SNX25: variants seen among roughly 807,000 people sequenced by gnomAD.
SNX25 encodes the protein sorting nexin 25.
In SNX25, 62 loss-of-function variants were observed where a neutral mutation model predicts 113.7. That is an observed-to-expected ratio of 0.55 (90% confidence interval 0.44 to 0.67). SNX25 has a LOEUF of 0.67. Among genes scored for constraint, SNX25 ranks in the 30% least tolerant of loss-of-function variants. SNX25 has a pLI of 0.00. For missense variants in SNX25, 1,014 were observed against 1,161.0 expected, an observed-to-expected ratio of 0.87 and a Z score of 1.84; for synonymous variants, 421 against 436.2, an observed-to-expected ratio of 0.97 and a Z score of 0.43.
In SNX25 at chr4:185,361,922, A is replaced by G; in HGVS notation, c.2652-2A>G. 6.2e-7 allele frequency: 1 copy of G among 1,612,618 alleles called. No individual in the cohort carries two copies. The highest frequency in any genetic ancestry group is 8.5e-7 in the Non-Finnish European group (1 of 1,179,322). Reference sequence around the variant, plus strand: ...ATCCAAGAAATCTTTTTCTCTTAAAAGACAAATCCGGGACACAGTCAGCTG... The same window carrying G: ...ATCCAAGAAATCTTTTTCTCTTAAAGGACAAATCCGGGACACAGTCAGCTG... On this transcript the variant is annotated splice_acceptor_variant, in intron 16 of 18. Coordinates refer to ENST00000652585, the MANE Select transcript of SNX25 (RefSeq NM_001378034.2). LOFTEE classifies it high-confidence loss of function.
chr4:185,254,042 C>A (rs1746042464), intron 2 of SNX25, among the ~76,000 whole-genome samples: 2 of 152,132 alleles, frequency 1.3e-5, no homozygotes, highest in Non-Finnish European at 2.9e-5. Flanking sequence ...TTCCAAGGCC[C>A]ACCGTATGGC....
chr4:185,214,084 C>G (rs1276738239), intron 1 of SNX25, among the ~76,000 whole-genome samples: 1 of 151,990 alleles, frequency 6.6e-6, no homozygotes, highest in Non-Finnish European at 1.5e-5. Flanking sequence ...TTCCCCACTT[C>G]CCCTTTAGAA....
Position 185,259,063 on chromosome 4 carries a change from A to G in SNX25, c.730A>G (p.Arg244Gly), listed in dbSNP as rs1459434050. 1.2e-6 allele frequency: 2 copies of G among 1,613,934 alleles called. No homozygotes were observed. Among genetic ancestry groups the G allele is most frequent in the East Asian group, 2.2e-5 (1 of 44,874 alleles). ...HFCDLKAANARHEEQPRPFVL... is the reference protein window; with the variant it reads ...HFCDLKAANAGHEEQPRPFVL... ...CTGTGACCTGAAAGCTGCCAATGCC[A>G]GGTAACTGTTCTAAGCAACTTACCC... The change falls in exon 3 of 19, where the codon AGA becomes GGA. Residue 244 changes from arginine (R) to glycine (G), a missense_variant and splice_region_variant. Transcript: ENST00000652585.
chr4:185,340,384 A>AC (rs1247746571), intron 11 of SNX25, among the ~76,000 whole-genome samples: 5 of 152,202 alleles, frequency 3.3e-5, no homozygotes, highest in African/African-American at 1.2e-4. Flanking sequence ...GACACACAGT[A>AC]CATGAGGGCC....
chr4:185,375,487 A>AAAAAAAAAAAAAAT, the SNX25 span: 1 of 12,010 alleles, frequency 8.3e-5, no homozygotes, highest in Non-Finnish European at 1.5e-4. Flanking sequence ...AAAAAAAAAA[A>AAAAAAAAAAAAAAT]ATATATATAT....
In SNX25 at chr4:185,331,182, A is replaced by G. The variant is rs191212508; in HGVS notation, c.1750-1413A>G. ...ACTTTTGGAAATTTATCCTAGGAAA[A>G]TAATTAAAATGTAGAAAAACGTTTA... On this transcript the variant is annotated intron_variant, in intron 9 of 18. Coordinates refer to ENST00000652585, the MANE Select transcript of SNX25 (RefSeq NM_001378034.2). Among the ~76,000 whole-genome samples the G allele has an allele frequency of 1.5e-3, 235 of 152,302 alleles. 2 individuals carry two copies. The highest frequency in any genetic ancestry group is 5.5e-3 in the African/African-American group (230 of 41,548).
At chr4:185,354,977 G>A (rs1288440144) in intron 15 of SNX25, among the ~76,000 whole-genome samples, 2 of 152,204 alleles carry the variant, frequency 1.3e-5, no homozygotes, top group Non-Finnish European at 2.9e-5. Context: ...GTTCACATCA[G>A]CACCTTTTCC....
chr4:185,297,813 C>T (rs145813450), intron 6 of SNX25, among the ~76,000 whole-genome samples: 1 of 150,966 alleles, frequency 6.6e-6, no homozygotes, highest in African/African-American at 2.5e-5. Flanking sequence ...CTACCTTCAT[C>T]ATCTCATCTA....
At chr4:185,321,758 C>T (rs1013493087) in intron 8 of SNX25, among the ~76,000 whole-genome samples, 2 of 152,050 alleles carry the variant, frequency 1.3e-5, no homozygotes, top group African/African-American at 4.8e-5. Flanking sequence ...ATTCAACCAA[C>T]CATGGACTGA....
Position 185,209,864 on chromosome 4 carries a change from C to T in SNX25, c.38C>T (p.Pro13Leu), listed in dbSNP as rs1737460509. Residue 13 changes from proline to leucine, a missense_variant, in exon 1 of 19, where the codon CCC becomes CTC. Coordinates refer to ENST00000652585, the MANE Select transcript of SNX25 (RefSeq NM_001378034.2). The surrounding 1 kb of genome is among the most constrained non-coding windows in gnomAD (Gnocchi z 5.2). ...GCGACCGACAGTGGCGGCGCCGGCC[C>T]CAGCCCCGCGCGGGCCGCAGGCGCC... is the stretch of plus-strand genomic sequence containing the variant. ...PDATDSGGAG[P>L]SPARAAGAGG... 3 of 983,362 alleles carry T rather than the reference C, an allele frequency of 3.1e-6. No homozygotes were observed. Among genetic ancestry groups the T allele is most frequent in the Non-Finnish European group, 2.4e-6 (2 of 829,232 alleles). The allele number at this position is 983,362 out of a possible 1,614,324, so 60.9% of individuals were successfully genotyped here.
At chr4:185,305,689 C>T (rs1754367338) in intron 6 of SNX25, among the ~76,000 whole-genome samples, 1 of 152,128 alleles carries the variant, frequency 6.6e-6, no homozygotes, top group Non-Finnish European at 1.5e-5. Context: ...AAAGGGTTTA[C>T]CTAATGTCTA....
At chr4:185,354,541 CA>C (rs1292408984) in intron 15 of SNX25, among the ~76,000 whole-genome samples, 1 of 152,148 alleles carries the variant, frequency 6.6e-6, no homozygotes, top group Non-Finnish European at 1.5e-5. Flanking sequence ...GTCCTGCCCC[CA>C]ATGACAGTAA....
intron 5 of SNX25, among the ~76,000 whole-genome samples, chr4:185,268,470 G>A (rs1398547601): frequency 6.6e-6 from 1 of 152,036 alleles, no homozygotes; most frequent in Admixed American, 6.5e-5. Context: ...TATCTAGTTT[G>A]TAAATTTTCT....
chr4:185,276,051 C>T (rs892492120), intron 5 of SNX25, among the ~76,000 whole-genome samples: 3 of 152,014 alleles, frequency 2.0e-5, no homozygotes, highest in African/African-American at 7.2e-5. Flanking sequence ...AGAGAACACA[C>T]ATTATTTTCA....
upstream of SNX25, among the ~76,000 whole-genome samples, chr4:185,208,994 C>CA (rs1046574147): frequency 1.3e-5 from 2 of 152,118 alleles, no homozygotes; most frequent in Non-Finnish European, 1.5e-5. Flanking sequence ...TGGTAAAAAA[C>CA]AAAAAACAAA....
At chr4:185,254,871 G>A (rs1746183770) in intron 2 of SNX25, among the ~76,000 whole-genome samples, 1 of 152,098 alleles carries the variant, frequency 6.6e-6, no homozygotes, top group African/African-American at 2.4e-5. Context: ...TTGCCTGGTA[G>A]TGAGGATAAG....
At chr4:185,205,217 A>T (rs1476480327), upstream of SNX25, among the ~76,000 whole-genome samples, 1 of 152,160 alleles carries the variant, frequency 6.6e-6, no homozygotes, top group Non-Finnish European at 1.5e-5. Flanking sequence ...GCACTTCGGG[A>T]GGCCGAGGCG....
chr4:185,276,144 G>A (rs1452954467), intron 5 of SNX25, among the ~76,000 whole-genome samples: 1 of 152,206 alleles, frequency 6.6e-6, no homozygotes, highest in African/African-American at 2.4e-5. Flanking sequence ...AGAAGTTTAT[G>A]ATCTCTGAAT....
intron 6 of SNX25, among the ~76,000 whole-genome samples, chr4:185,306,482 A>T (rs1161628320): frequency 6.6e-6 from 1 of 152,168 alleles, no homozygotes; most frequent in East Asian, 1.9e-4. Flanking sequence ...TCTCTTTCTT[A>T]CTTCTCTTTG....
Sources: allele counts gnomAD v4.1 joint callset (sites outside exome capture counted in the v4.1 genomes callset), GRCh38; gene constraint gnomAD v4.1.1; non-coding constraint Gnocchi (gnomAD v3.1); transcripts MANE v1.5; gene names NCBI Gene and HGNC (gene_info 2026-07-23, HGNC 2026-07-21).